Variants in CFAP95 observed in about 807,000 individuals in gnomAD.
The protein encoded by CFAP95 is cilia- and flagella-associated protein 95.
the CFAP95 span, among the ~76,000 whole-genome samples, chr9:69,828,601 G>A: frequency 1.3e-5 from 2 of 152,236 alleles, no homozygotes; most frequent in East Asian, 3.9e-4. Flanking sequence ...GAGGATCGCT[G>A]GAGCATGGGA....
the CFAP95 span, among the ~76,000 whole-genome samples, chr9:69,839,567 C>T: frequency 6.6e-6 from 1 of 151,826 alleles, no homozygotes; most frequent in African/African-American, 2.4e-5. Flanking sequence ...GCTGGGATTA[C>T]AGGCACGTGC....
chr9:69,821,070 G>A, the CFAP95 span: 1 of 1,602,042 alleles, frequency 6.2e-7, no homozygotes, highest in Middle Eastern at 1.7e-4. Flanking sequence ...GGTGCTGCGG[G>A]GAGGAAAGAG....
the CFAP95 span, among the ~76,000 whole-genome samples, chr9:69,864,215 T>A: frequency 6.6e-6 from 1 of 152,214 alleles, no homozygotes; most frequent in Admixed American, 6.5e-5. Flanking sequence ...TTTCAACAAT[T>A]CATCCAAACA....
At chr9:69,882,410 C>A in the CFAP95 span, among the ~76,000 whole-genome samples, 1 of 152,200 alleles carries the variant, frequency 6.6e-6, no homozygotes, top group African/African-American at 2.4e-5. Context: ...AATTTGACTT[C>A]TTCCTTTCCA....
At chr9:69,833,124 T>A in the CFAP95 span, among the ~76,000 whole-genome samples, 1 of 152,164 alleles carries the variant, frequency 6.6e-6, no homozygotes, top group East Asian at 1.9e-4. Context: ...AATTTTAGAA[T>A]GTTTTATTAC....
chr9:69,850,412 T>C, the CFAP95 span, among the ~76,000 whole-genome samples: 2 of 152,224 alleles, frequency 1.3e-5, no homozygotes, highest in African/African-American at 2.4e-5. Flanking sequence ...TATATTAGCA[T>C]TCATTTTATG....
the CFAP95 span, chr9:69,856,630 G>C: frequency 4.3e-6 from 7 of 1,612,574 alleles, no homozygotes; most frequent in Non-Finnish European, 5.1e-6. Flanking sequence ...GAAGAGCAAG[G>C]CTTTATTGAA....
chr9:69,839,848 G>A, the CFAP95 span, among the ~76,000 whole-genome samples: 1 of 151,356 alleles, frequency 6.6e-6, no homozygotes, highest in African/African-American at 2.4e-5. Flanking sequence ...GGTCTAGGTG[G>A]GTGGATCACC....
the CFAP95 span, among the ~76,000 whole-genome samples, chr9:69,830,406 T>C: frequency 1.3e-5 from 2 of 152,106 alleles, no homozygotes; most frequent in Non-Finnish European, 2.9e-5. Flanking sequence ...GAATAGCAAA[T>C]TTTACACACT....
chr9:69,851,292 C>T, the CFAP95 span, among the ~76,000 whole-genome samples: 32 of 152,232 alleles, frequency 2.1e-4, no homozygotes, highest in East Asian at 7.7e-4. Flanking sequence ...TTTCTGGAAT[C>T]GGTTCTTCCT....
At chr9:69,864,402 G>A in the CFAP95 span, among the ~76,000 whole-genome samples, 1 of 152,070 alleles carries the variant, frequency 6.6e-6, no homozygotes, top group South Asian at 2.1e-4. Flanking sequence ...GGAAACCTGG[G>A]TTCTACTTCT....
At chr9:69,901,160 T>C in the CFAP95 span, among the ~76,000 whole-genome samples, 2 of 149,738 alleles carry the variant, frequency 1.3e-5, no homozygotes, top group African/African-American at 2.5e-5. Flanking sequence ...TTTTTTGAGA[T>C]GGAGTCTTGC....
chr9:69,886,909 C>A, the CFAP95 span: 1 of 1,600,496 alleles, frequency 6.2e-7, no homozygotes. Flanking sequence ...AGTACAAGAA[C>A]CGTAGTCTTC....
chr9:69,836,689 C>CTTT, the CFAP95 span, among the ~76,000 whole-genome samples: 1 of 126,876 alleles, frequency 7.9e-6, no homozygotes, highest in African/African-American at 3.0e-5. Flanking sequence ...GCTTCAATTT[C>CTTT]TTTTTTTTTT....
the CFAP95 span, chr9:69,886,771 C>A: frequency 8.6e-7 from 1 of 1,158,512 alleles, no homozygotes; most frequent in Non-Finnish European, 1.3e-6. Flanking sequence ...AAAGTGTATA[C>A]CAATAAAAAT....
At chr9:69,847,490 T>G in the CFAP95 span, among the ~76,000 whole-genome samples, 2 of 152,236 alleles carry the variant, frequency 1.3e-5, no homozygotes, top group Non-Finnish European at 2.9e-5. Context: ...AGTACCAAAC[T>G]TTTCCACTTC....
At chr9:69,831,572 A>G in the CFAP95 span, among the ~76,000 whole-genome samples, 1 of 152,144 alleles carries the variant, frequency 6.6e-6, no homozygotes, top group African/African-American at 2.4e-5. Flanking sequence ...GTGAGATAGG[A>G]GTGGGGAGGG....
At chr9:69,905,945 C>A in the CFAP95 span, 1 of 1,492,466 alleles carries the variant, frequency 6.7e-7, no homozygotes, top group Non-Finnish European at 8.9e-7. Context: ...TCTCTTTTTT[C>A]CCCCATAGGC....
At chr9:69,883,753 T>C in the CFAP95 span, among the ~76,000 whole-genome samples, 1 of 152,296 alleles carries the variant, frequency 6.6e-6, no homozygotes, top group East Asian at 1.9e-4. Flanking sequence ...ATCTCTGATT[T>C]TATTTATTTG....
Sources: allele counts gnomAD v4.1 joint callset (sites outside exome capture counted in the v4.1 genomes callset), GRCh38; gene constraint gnomAD v4.1.1; transcripts MANE v1.5; gene names NCBI Gene and HGNC (gene_info 2026-07-23, HGNC 2026-07-21).